The following SLC14A2 variants were observed in gnomAD, a reference collection of about 807,000 sequenced individuals.
SLC14A2 encodes solute carrier family 14 member 2.
A neutral mutation model predicts 104.6 loss-of-function variants in SLC14A2; 91 were observed. The ratio of observed to expected loss-of-function variants is 0.87; its 90% CI spans 0.73 to 1.04. The LOEUF (loss-of-function observed/expected upper bound fraction) is 1.04, where lower values mean the gene tolerates loss of function less well. SLC14A2 is among the 50% of genes least tolerant of loss of function. The pLI, the probability that SLC14A2 is intolerant of heterozygous loss-of-function variation, is 0.00. For missense variants in SLC14A2, 1,189 were observed against 1,156.0 expected, an observed-to-expected ratio of 1.03 and a Z score of -0.41; for synonymous variants, 476 against 466.4, an observed-to-expected ratio of 1.02 and a Z score of -0.27.
At chr18:45,271,892 C>T (rs2084654984) in intron 1 of SLC14A2, among the ~76,000 whole-genome samples, 1 of 152,084 alleles carries the variant, frequency 6.6e-6, no homozygotes, top group Admixed American at 6.6e-5. Context: ...TGCCTGACTT[C>T]AAATTATACT....
intron 1 of SLC14A2, among the ~76,000 whole-genome samples, chr18:45,300,549 C>T (rs2084958465): frequency 6.6e-6 from 1 of 152,082 alleles, no homozygotes; most frequent in Admixed American, 6.6e-5. Context: ...AGTTCATTAC[C>T]CATTATGTGC....
chr18:45,406,666 C>G (rs1004805934), intron 1 of SLC14A2, among the ~76,000 whole-genome samples: 1 of 152,162 alleles, frequency 6.6e-6, no homozygotes, highest in African/African-American at 2.4e-5. Flanking sequence ...CACAATTACT[C>G]CTTGATCCAT....
At chr18:45,223,959 T>G (rs1036895283) in intron 1 of SLC14A2, among the ~76,000 whole-genome samples, 5 of 152,194 alleles carry the variant, frequency 3.3e-5, no homozygotes, top group African/African-American at 9.6e-5. Context: ...TTCAATCCAT[T>G]TGGGCACCTT....
At chr18:45,558,307 A>C (rs2044158229) in intron 2 of SLC14A2, among the ~76,000 whole-genome samples, 1 of 152,210 alleles carries the variant, frequency 6.6e-6, no homozygotes, top group African/African-American at 2.4e-5. Context: ...AGCATCACTT[A>C]TGTCACTAGT....
chr18:45,660,005 T>C (rs562037686), intron 10 of SLC14A2, among the ~76,000 whole-genome samples: 1 of 151,248 alleles, frequency 6.6e-6, no homozygotes. Flanking sequence ...TGGTGAGGCA[T>C]GCTTGTAGTC....
At chr18:45,671,538 G>A (rs1297920898) in intron 16 of SLC14A2, among the ~76,000 whole-genome samples, 2 of 151,988 alleles carry the variant, frequency 1.3e-5, no homozygotes, top group Non-Finnish European at 2.9e-5. Flanking sequence ...GGTGCAACTG[G>A]CTGAGGACAA....
chr18:45,381,829 C>A (rs1377831613), intron 1 of SLC14A2, among the ~76,000 whole-genome samples: 3 of 152,008 alleles, frequency 2.0e-5, no homozygotes, highest in Non-Finnish European at 4.4e-5. Flanking sequence ...TTGTGGGGGA[C>A]ATACAGGCAG....
At chr18:45,210,512 G>A (rs912306680), upstream of SLC14A2, among the ~76,000 whole-genome samples, 5 of 152,186 alleles carry the variant, frequency 3.3e-5, no homozygotes, top group African/African-American at 7.2e-5. Context: ...CCAGGAGTTC[G>A]AGGCTGCAGT....
At chr18:45,541,846 G>C (rs1350527509) in intron 2 of SLC14A2, among the ~76,000 whole-genome samples, 1 of 152,112 alleles carries the variant, frequency 6.6e-6, no homozygotes, top group African/African-American at 2.4e-5. Context: ...ATGGGCAGGT[G>C]TCAAGGACAC....
Position 45,667,888 on chromosome 18 carries a change from G to A in SLC14A2, c.1773G>A (p.Val591=), listed in dbSNP as rs2144634219. The A allele has an allele frequency of 6.2e-7, 1 of 1,614,158 alleles. No individual in the cohort carries two copies. The highest frequency in any genetic ancestry group is 2.2e-5 in the East Asian group (1 of 44,888). Residue 591 remains valine, a synonymous_variant, in exon 14 of 20, where the codon GTG becomes GTA. Transcript: ENST00000255226. ...GGGTCCTCCGAGGCACATCTCAAGT[G>A]ATGTTTGTGAACAACCCCCTCAGCG... ...FDWVLRGTSQ[V]MFVNNPLSGI...
chr18:45,532,297 G>GGCCAT (rs1264525252), intron 2 of SLC14A2, among the ~76,000 whole-genome samples: 5 of 152,220 alleles, frequency 3.3e-5, no homozygotes, highest in African/African-American at 1.2e-4. Flanking sequence ...TGGGCAGTAT[G>GGCCAT]GCCATTTTCA....
At chr18:45,298,418 A>T (rs2084937150) in intron 1 of SLC14A2, among the ~76,000 whole-genome samples, 1 of 152,226 alleles carries the variant, frequency 6.6e-6, no homozygotes, top group African/African-American at 2.4e-5. Context: ...GGAGTCCAGG[A>T]TACACCAATC....
At chr18:45,609,403 C>T (rs1022824127) in intron 2 of SLC14A2, among the ~76,000 whole-genome samples, 3 of 152,132 alleles carry the variant, frequency 2.0e-5, no homozygotes, top group Non-Finnish European at 4.4e-5. Flanking sequence ...CAAAATGTCC[C>T]TTTCCACTCC....
intron 1 of SLC14A2, among the ~76,000 whole-genome samples, chr18:45,456,449 C>G (rs2086945089): frequency 6.6e-6 from 1 of 152,250 alleles, no homozygotes; most frequent in African/African-American, 2.4e-5. Context: ...AGGCAGGAGT[C>G]CAGCCTTACA....
chr18:45,558,697 T>A (rs2044163455), intron 2 of SLC14A2, among the ~76,000 whole-genome samples: 1 of 152,206 alleles, frequency 6.6e-6, no homozygotes, highest in Non-Finnish European at 1.5e-5. Flanking sequence ...GAGTTTGAAT[T>A]CGCCACAAGT....
the SLC14A2 span, among the ~76,000 whole-genome samples, chr18:45,201,551 A>AGTGT: frequency 0.24 from 35,970 of 149,448 alleles, 4,547 homozygotes; most frequent in Non-Finnish European, 0.31. Flanking sequence ...GTATGTGTGT[A>AGTGT]GTGTGTGTGT....
At chr18:45,376,137 C>A (rs1407280380) in intron 1 of SLC14A2, among the ~76,000 whole-genome samples, 1 of 152,150 alleles carries the variant, frequency 6.6e-6, no homozygotes, top group East Asian at 1.9e-4. Context: ...GTTTCTTCTC[C>A]TTGAGGCTTT....
chr18:45,566,084 G>A (rs1006726689), intron 2 of SLC14A2, among the ~76,000 whole-genome samples: 4 of 152,214 alleles, frequency 2.6e-5, no homozygotes, highest in Non-Finnish European at 5.9e-5. Flanking sequence ...TTTATGAGTT[G>A]TGACAGGTAA....
rs556906374 is a variant in SLC14A2, at chr18:45,417,992, C to G, written c.-124-65241C>G. On this transcript the variant is annotated intron_variant, in intron 1 of 20. Coordinates refer to the SLC14A2 transcript ENST00000586448. ...AATGATTGGATGTGAAGATGAAAAA[C>G]AGCTAAGTGGGAAGACTTGGGTGCA... Among the ~76,000 whole-genome samples, 3 of 152,250 alleles carry G rather than the reference C, an allele frequency of 2.0e-5. No homozygotes were observed. The East Asian group carries it at 5.8e-4, about 29-fold the overall frequency.
Sources: allele counts gnomAD v4.1 joint callset (sites outside exome capture counted in the v4.1 genomes callset), GRCh38; gene constraint gnomAD v4.1.1; transcripts MANE v1.5; gene names NCBI Gene and HGNC (gene_info 2026-07-23, HGNC 2026-07-21).